ENOX1: variants seen among roughly 807,000 people sequenced by gnomAD.
ENOX1 encodes candidate growth-related and time keeping constitutive hydroquinone (NADH) oxidase.
ENOX1 carries 42 observed loss-of-function variants against 82.5 expected under a neutral mutation model. The ratio of observed to expected loss-of-function variants is 0.51; its 90% CI spans 0.40 to 0.66. The LOEUF (loss-of-function observed/expected upper bound fraction) is 0.66. ENOX1 is among the 30% of genes least tolerant of loss of function. The pLI is 0.00. For synonymous variants in ENOX1, 271 were observed against 282.2 expected (o/e 0.96, Z 0.40); for missense variants, 608 against 811.6 (o/e 0.75, Z 3.05).
chr13:43,561,105 G>A (rs575161916), intron 2 of ENOX1, among the ~76,000 whole-genome samples: 3 of 152,196 alleles, frequency 2.0e-5, no homozygotes, highest in Middle Eastern at 6.8e-3. Context: ...TTATTTTATT[G>A]ATAAAATAAT....
chr13:43,528,869 G>A (rs1468363340), intron 2 of ENOX1, among the ~76,000 whole-genome samples: 4 of 151,964 alleles, frequency 2.6e-5, no homozygotes, highest in African/African-American at 4.8e-5. Flanking sequence ...TGCTGGGAAA[G>A]TGATTGACCC....
At chr13:43,269,627 T>C (rs1235376870) in intron 12 of ENOX1, 50 bp from the exon 13 acceptor site, 1 of 1,431,134 alleles carries the variant, frequency 7.0e-7, no homozygotes, top group African/African-American at 1.4e-5. Flanking sequence ...GGTCAGGTGA[T>C]TTAAAAATAT....
At chr13:43,623,707 C>T (rs1357044518) in intron 2 of ENOX1, among the ~76,000 whole-genome samples, 1 of 152,142 alleles carries the variant, frequency 6.6e-6, no homozygotes. Flanking sequence ...CCGCACACTG[C>T]TCTGTCCAGA....
At position 43,398,609 on chromosome 13, in the gene ENOX1, C is replaced by T. The variant is rs189169657; in HGVS notation, c.208+13307G>A. On this transcript the variant is annotated intron_variant, in intron 5 of 16. Coordinates refer to ENST00000690772, the MANE Select transcript of ENOX1 (RefSeq NM_001347969.2). ...TTCAATAAAAGTTATACTAAGTATG[C>T]CTGCCTCTCCTGCCTCCCCTTCCAT... 2.6e-5 allele frequency among the ~76,000 whole-genome samples: 4 copies of T among 152,080 alleles called. No homozygotes were observed. The East Asian group carries it at 5.8e-4, about 22-fold the overall frequency.
chr13:43,247,883 A>ATATTTTTTTTT (rs1566330073), intron 14 of ENOX1, among the ~76,000 whole-genome samples: 1 of 14,648 alleles, frequency 6.8e-5, no homozygotes, highest in Non-Finnish European at 1.8e-4. Context: ...ATATATATAT[A>ATATTTTTTTTT]TTTTTTTTTT....
chr13:43,293,808 C>T (rs1439194767), intron 12 of ENOX1, among the ~76,000 whole-genome samples: 1 of 152,150 alleles, frequency 6.6e-6, no homozygotes, highest in Non-Finnish European at 1.5e-5. Flanking sequence ...CAACATCTGA[C>T]AAAACTAACT....
At chr13:43,639,788 G>A (rs1395603342) in intron 2 of ENOX1, among the ~76,000 whole-genome samples, 1 of 152,158 alleles carries the variant, frequency 6.6e-6, no homozygotes, top group African/African-American at 2.4e-5. Context: ...CAGCAGTTTG[G>A]GAGGCCGAGG....
chr13:43,634,966 G>C (rs1594199779), intron 2 of ENOX1, among the ~76,000 whole-genome samples: 1 of 152,218 alleles, frequency 6.6e-6, no homozygotes, highest in East Asian at 1.9e-4. Flanking sequence ...GGCTCTCCAG[G>C]GTATTAATTC....
At chr13:43,681,989 C>T (rs1456647488) in intron 1 of ENOX1, among the ~76,000 whole-genome samples, 2 of 152,058 alleles carry the variant, frequency 1.3e-5, no homozygotes, top group Non-Finnish European at 2.9e-5. Context: ...AGGTATACGG[C>T]CTCCTAAACG....
intron 15 of ENOX1, among the ~76,000 whole-genome samples, chr13:43,228,026 G>A (rs544690252): frequency 6.7e-6 from 1 of 149,984 alleles, no homozygotes; most frequent in South Asian, 2.1e-4. Context: ...ATGTTTCTAG[G>A]CCCTGTGATT....
intron 2 of ENOX1, among the ~76,000 whole-genome samples, chr13:43,513,955 G>A (rs1418809562): frequency 2.0e-5 from 3 of 152,084 alleles, no homozygotes; most frequent in Non-Finnish European, 4.4e-5. Flanking sequence ...ACAGTGAAAT[G>A]TATATATTAA....
chr13:43,479,821 G>A (rs917668818), intron 3 of ENOX1, among the ~76,000 whole-genome samples: 1 of 152,236 alleles, frequency 6.6e-6, no homozygotes, highest in Non-Finnish European at 1.5e-5. Flanking sequence ...CTCCACTGCT[G>A]GACAAGGGAA....
At chr13:43,775,370 AG>A (rs1361056373) in intron 1 of ENOX1, among the ~76,000 whole-genome samples, 1 of 151,998 alleles carries the variant, frequency 6.6e-6, no homozygotes, top group Non-Finnish European at 1.5e-5. Flanking sequence ...TCGAACTCTT[AG>A]TCTCAAGTGA....
At chr13:43,227,329 T>G (rs2042071924) in intron 15 of ENOX1, among the ~76,000 whole-genome samples, 1 of 152,214 alleles carries the variant, frequency 6.6e-6, no homozygotes, top group African/African-American at 2.4e-5. Context: ...GTGCTCTTAG[T>G]CTTTGTGTGT....
intron 3 of ENOX1, among the ~76,000 whole-genome samples, chr13:43,431,943 G>A (rs1461387827): frequency 1.3e-5 from 2 of 152,048 alleles, no homozygotes; most frequent in African/African-American, 4.8e-5. Context: ...CTATTCCTCT[G>A]GCCTAATCAC....
At chr13:43,468,801 T>C (rs2057859950) in intron 3 of ENOX1, among the ~76,000 whole-genome samples, 1 of 152,108 alleles carries the variant, frequency 6.6e-6, no homozygotes. Flanking sequence ...TGCTTTGCAG[T>C]TTTCAGCGTG....
chr13:43,269,383 TA>T, intron 13 of ENOX1, 86 bp downstream of exon 13: 1 of 1,027,912 alleles, frequency 9.7e-7, no homozygotes, highest in Non-Finnish European at 1.5e-6. Flanking sequence ...TTACTTTCAG[TA>T]AATGTTTGCA....
At chr13:43,705,330 C>CTCTCTCTCTA (rs141765196) in intron 1 of ENOX1, among the ~76,000 whole-genome samples, 1 of 129,862 alleles carries the variant, frequency 7.7e-6, no homozygotes, top group African/African-American at 2.9e-5. Context: ...CTCTCTCTCT[C>CTCTCTCTCTA]TATATATATA....
At chr13:43,305,784 GC>G (rs1468301870) in intron 11 of ENOX1, among the ~76,000 whole-genome samples, 1 of 152,218 alleles carries the variant, frequency 6.6e-6, no homozygotes, top group Non-Finnish European at 1.5e-5. Flanking sequence ...TTCACTTCTT[GC>G]AAAAGCAGGA....
Sources: allele counts gnomAD v4.1 joint callset (sites outside exome capture counted in the v4.1 genomes callset), GRCh38; gene constraint gnomAD v4.1.1; transcripts MANE v1.5; gene names NCBI Gene and HGNC (gene_info 2026-07-23, HGNC 2026-07-21).